The following MBD5 variants were observed in gnomAD, a reference collection of about 807,000 sequenced individuals.
The protein encoded by MBD5 is methyl-CpG binding domain protein 5, also known as methyl-CpG-binding domain protein 5.
Under a neutral mutation model 117.3 loss-of-function variants are expected in MBD5, and 13 were observed. That is an observed-to-expected ratio of 0.11 (90% CI 0.07 to 0.18). The LOEUF is 0.18. MBD5 is among the 10% of genes least tolerant of loss of function. The pLI is 1.00. For synonymous variants in MBD5, 727 were observed against 766.4 expected (o/e 0.95, Z 0.85); for missense variants, 1,879 against 2,093.8 (o/e 0.90, Z 2.00).
chr2:148,485,934 T>C lies in MBD5; in HGVS notation c.3737T>C (p.Leu1246Pro), dbSNP rs745609507. The change falls in exon 10 of 14, where the codon CTG becomes CCG. Residue 1246 changes from leucine to proline, a missense_variant. Leu to Pro is a moderately conservative substitution (Grantham distance 98). This residue lies in a region of MBD5 where 1,666 missense variants were observed against 1,792.2 expected (regional missense o/e 0.93). Coordinates refer to ENST00000642680, the MANE Select transcript of MBD5 (RefSeq NM_001378120.1). The part of the protein sequence containing the change: ...CPANNNPMAC[L>P]FQNFQVRMQE... The stretch of plus-strand genomic sequence containing the variant: ...GCTAACAATAACCCCATGGCTTGTC[T>C]GTTTCAGAACTTTCAGGTACTCTCC... 7 of 1,613,950 alleles carry C rather than the reference T, an allele frequency of 4.3e-6. No individual in the cohort carries two copies. Among genetic ancestry groups the C allele is most frequent in the Non-Finnish European group, 5.9e-6 (7 of 1,179,932 alleles).
At chr2:148,371,515 A>T (rs1442418631) in intron 4 of MBD5, among the ~76,000 whole-genome samples, 4 of 152,188 alleles carry the variant, frequency 2.6e-5, no homozygotes, top group African/African-American at 9.6e-5. Context: ...GGAGAAAAAG[A>T]ACACTCTAGG....
intron 4 of MBD5, among the ~76,000 whole-genome samples, chr2:148,366,585 C>T (rs1703706361): frequency 6.6e-6 from 1 of 152,152 alleles, no homozygotes; most frequent in African/African-American, 2.4e-5. Context: ...ACCCCATTGT[C>T]TCAGCCCAAA....
intron 4 of MBD5, among the ~76,000 whole-genome samples, chr2:148,422,983 T>A (rs1444357375): frequency 6.6e-6 from 1 of 151,974 alleles, no homozygotes; most frequent in East Asian, 1.9e-4. Flanking sequence ...ACGGGGAGAA[T>A]GGAACCAAGT....
chr2:148,197,825 T>G (rs1387573554), intron 2 of MBD5, among the ~76,000 whole-genome samples: 3 of 149,676 alleles, frequency 2.0e-5, no homozygotes, highest in African/African-American at 7.3e-5. Flanking sequence ...TTTGTTTTTT[T>G]TTTTTGAGAC....
chr2:148,085,788 C>T (rs1299876770), intron 1 of MBD5, among the ~76,000 whole-genome samples: 1 of 152,048 alleles, frequency 6.6e-6, no homozygotes, highest in Non-Finnish European at 1.5e-5. Context: ...TAATCATGAA[C>T]CATCCATATA....
chr2:148,267,952 C>CTTT (rs764230358), intron 3 of MBD5, among the ~76,000 whole-genome samples: 95 of 127,274 alleles, frequency 7.5e-4, no homozygotes, highest in Admixed American at 1.1e-3. Context: ...TCTTTTTTTT[C>CTTT]TTTTTTTTTT....
At chr2:148,308,737 G>T (rs1326920576) in intron 3 of MBD5, among the ~76,000 whole-genome samples, 1 of 151,964 alleles carries the variant, frequency 6.6e-6, no homozygotes, top group Non-Finnish European at 1.5e-5. Flanking sequence ...CCATGCCTAT[G>T]CCCTGAATGG....
At chr2:148,452,589 A>T (rs1706760661) in intron 4 of MBD5, among the ~76,000 whole-genome samples, 1 of 31,284 alleles carries the variant, frequency 3.2e-5, no homozygotes, top group East Asian at 0.016. Flanking sequence ...ATTAAAGCAA[A>T]ATGAGAAAAA....
intron 1 of MBD5, among the ~76,000 whole-genome samples, chr2:148,108,055 G>C (rs1696413609): frequency 6.6e-6 from 1 of 151,098 alleles, no homozygotes; most frequent in African/African-American, 2.4e-5. Context: ...CAAATTCTCA[G>C]AGAAGATTTA....
chr2:148,148,249 G>A (rs1379100031), intron 1 of MBD5, among the ~76,000 whole-genome samples: 1 of 152,090 alleles, frequency 6.6e-6, no homozygotes, highest in Non-Finnish European at 1.5e-5. Context: ...TGGACATTTG[G>A]GAACTCCTAA....
chr2:148,086,356 A>G (rs571532219), intron 1 of MBD5, among the ~76,000 whole-genome samples: 1 of 152,226 alleles, frequency 6.6e-6, no homozygotes, highest in Admixed American at 6.5e-5. Flanking sequence ...CAATACAGTC[A>G]ACCTCCAATT....
chr2:148,169,762 A>G (rs541929133), intron 1 of MBD5, among the ~76,000 whole-genome samples: 2 of 152,286 alleles, frequency 1.3e-5, no homozygotes, highest in South Asian at 4.1e-4. Flanking sequence ...CAGTGAGCTC[A>G]CATCCTACTG....
intron 4 of MBD5, among the ~76,000 whole-genome samples, chr2:148,457,013 T>C (rs2105524003): frequency 6.6e-6 from 1 of 152,304 alleles, no homozygotes; most frequent in African/African-American, 2.4e-5. Flanking sequence ...ATGTGTCTAT[T>C]TACACTGTTT....
intron 4 of MBD5, among the ~76,000 whole-genome samples, chr2:148,357,523 T>A (rs1005611494): frequency 6.6e-6 from 1 of 152,092 alleles, no homozygotes; most frequent in Non-Finnish European, 1.5e-5. Context: ...CTTTTAAAAT[T>A]CATGTTGTAC....
At position 148,322,160 on chromosome 2, in the gene MBD5, A is replaced by G. The variant is rs1302635384; in HGVS notation, c.-679-20054A>G. ...AAGCAAATTTCTACAGTGTAAAGTGATATGTATTCATAAAGGTATACAACA... is the reference window on the plus strand; with the variant it reads ...AAGCAAATTTCTACAGTGTAAAGTGGTATGTATTCATAAAGGTATACAACA... On this transcript the variant is annotated intron_variant, in intron 3 of 13. Coordinates refer to ENST00000642680, the MANE Select transcript of MBD5 (RefSeq NM_001378120.1). Among the ~76,000 whole-genome samples, 3 of 152,220 alleles carry G rather than the reference A, an allele frequency of 2.0e-5. No individual in the cohort carries two copies. The East Asian group carries it at 5.8e-4, about 29-fold the overall frequency.
intron 4 of MBD5, among the ~76,000 whole-genome samples, chr2:148,406,825 C>T (rs1559057819): frequency 6.6e-6 from 1 of 152,194 alleles, no homozygotes; most frequent in Non-Finnish European, 1.5e-5. Flanking sequence ...TCTCTTCCTA[C>T]GGTCAGCTTC....
chr2:148,463,328 T>G (rs1333693473), intron 6 of MBD5, among the ~76,000 whole-genome samples: 1 of 152,164 alleles, frequency 6.6e-6, no homozygotes, highest in Non-Finnish European at 1.5e-5. Flanking sequence ...TCAAAATCAG[T>G]GACAAGATAA....
intron 13 of MBD5, 83 bp from the exon 14 acceptor site, chr2:148,512,787 C>A: frequency 7.9e-7 from 1 of 1,258,854 alleles, no homozygotes; most frequent in Non-Finnish European, 1.2e-6. Flanking sequence ...TATTCCCTAC[C>A]CTGCTCCTTT....
At chr2:148,083,690 C>T (rs1447690543) in intron 1 of MBD5, among the ~76,000 whole-genome samples, 6 of 152,002 alleles carry the variant, frequency 3.9e-5, no homozygotes, top group East Asian at 3.9e-4. Context: ...TGCAGTCGCG[C>T]GATCTTGGCT....
Sources: allele counts gnomAD v4.1 joint callset (sites outside exome capture counted in the v4.1 genomes callset), GRCh38; gene constraint gnomAD v4.1.1; regional missense constraint gnomAD v4.1.1; transcripts MANE v1.5; gene names NCBI Gene and HGNC (gene_info 2026-07-23, HGNC 2026-07-21).